NECAB2: variants seen among roughly 807,000 people sequenced by gnomAD.
NECAB2 encodes the protein N-terminal EF-hand calcium-binding protein 2.
Under a neutral mutation model 51.9 loss-of-function variants are expected in NECAB2, and 68 were observed. The observed-to-expected ratio is 1.31, with a 90% CI of 1.08 to 1.60. The LOEUF (loss-of-function observed/expected upper bound fraction) is 1.60, where lower values mean the gene tolerates loss of function less well. Among genes scored for constraint, NECAB2 ranks in the 40% most tolerant of loss-of-function variants. NECAB2 has a pLI of 0.00. For missense variants in NECAB2, 854 were observed against 490.3 expected (o/e 1.74, Z -7.00); for synonymous variants, 329 against 203.5 (o/e 1.62, Z -5.25).
chr16:83,977,477 C>A (rs1227828860), intron 2 of NECAB2, among the ~76,000 whole-genome samples: 19 of 152,104 alleles, frequency 1.2e-4, no homozygotes, highest in Admixed American at 1.2e-3. Flanking sequence ...CAAGACCTTC[C>A]TGGTAGGGCC....
At chr16:83,989,312 T>TG (rs2084592525) in intron 5 of NECAB2, among the ~76,000 whole-genome samples, 1 of 152,218 alleles carries the variant, frequency 6.6e-6, no homozygotes, top group Non-Finnish European at 1.5e-5. Context: ...CAGCAGACCC[T>TG]GGTCTGGCTG....
At chr16:83,986,044 T>C (rs1395743666) in intron 5 of NECAB2, among the ~76,000 whole-genome samples, 1 of 152,190 alleles carries the variant, frequency 6.6e-6, no homozygotes, top group African/African-American at 2.4e-5. Context: ...GATACGGAGT[T>C]TCTCTTTCGT....
intron 3 of NECAB2, among the ~76,000 whole-genome samples, chr16:83,979,769 G>C (rs2084460884): frequency 6.6e-6 from 1 of 152,010 alleles, no homozygotes; most frequent in Admixed American, 6.5e-5. Flanking sequence ...GGTGCAGGGA[G>C]GACTCGCGGT....
chr16:83,971,001 G>A (rs2084341645), intron 1 of NECAB2, among the ~76,000 whole-genome samples: 1 of 152,072 alleles, frequency 6.6e-6, no homozygotes, highest in East Asian at 1.9e-4. Flanking sequence ...GGCTGATACA[G>A]GAGAATTGCT....
chr16:83,974,268 G>A (rs1270413889), intron 2 of NECAB2, among the ~76,000 whole-genome samples: 1 of 152,128 alleles, frequency 6.6e-6, no homozygotes, highest in East Asian at 1.9e-4. Context: ...TACCGGCTCT[G>A]GCCTCAGGCA....
At chr16:83,967,948 G>C (rs567407348), upstream of NECAB2, among the ~76,000 whole-genome samples, 1 of 150,652 alleles carries the variant, frequency 6.6e-6, no homozygotes, top group East Asian at 2.0e-4. Flanking sequence ...GTGGATGGAT[G>C]TATAGATGGA....
chr16:83,978,831 G>C (rs1010141420), intron 3 of NECAB2, among the ~76,000 whole-genome samples: 3 of 152,016 alleles, frequency 2.0e-5, no homozygotes, highest in African/African-American at 7.3e-5. Flanking sequence ...TTATGAAAAT[G>C]GGAAGGTGGC....
chr16:84,001,933 T>G lies in NECAB2; in HGVS notation c.1132+17T>G. 1 of 1,612,114 alleles carries G rather than the reference T, an allele frequency of 6.2e-7. No homozygotes were observed. Among genetic ancestry groups the G allele is most frequent in the Non-Finnish European group, 8.5e-7 (1 of 1,178,740 alleles). On this transcript the variant is annotated intron_variant, in intron 12 of 12. Transcript: ENST00000305202. ...TGGTGCCAGGTAGGGGGCAAAGGCC[T>G]GGAACTGCAGTGGCCACCTGACTGG...
Position 83,990,570 on chromosome 16 carries a change from C to T in NECAB2, c.536C>T (p.Ser179Leu), listed in dbSNP as rs775631211. 9.9e-6 allele frequency: 16 copies of T among 1,614,016 alleles called. No individual in the cohort carries two copies. Among genetic ancestry groups the T allele is most frequent in the African/African-American group, 4.0e-5 (3 of 74,910 alleles). The change falls in exon 6 of 13, where the codon TCG becomes TTG. Residue 179 changes from serine (S) to leucine (L), a missense_variant. Transcript: ENST00000305202. ...AAGGAGACGGCCAATCAGATCCAGT[C>T]GCTGCTGAGCTCAGTGGAGAGTGCG... is the stretch of plus-strand genomic sequence containing the variant. ...LLKETANQIQ[S>L]LLSSVESAVE...
chr16:83,988,343 T>C (rs1027711411), intron 5 of NECAB2, among the ~76,000 whole-genome samples: 5 of 152,234 alleles, frequency 3.3e-5, no homozygotes, highest in African/African-American at 1.2e-4. Flanking sequence ...TTCCTAGTTT[T>C]CACTTCATCA....
intron 1 of NECAB2, among the ~76,000 whole-genome samples, chr16:83,969,510 T>C (rs1243663728): frequency 6.6e-6 from 1 of 151,492 alleles, no homozygotes; most frequent in Non-Finnish European, 1.5e-5. Flanking sequence ...TCTGTTCCCT[T>C]CCCCACACCC....
At chr16:84,002,204 T>A in intron 12 of NECAB2, 114 bp from the exon 13 acceptor site, 1 of 1,325,216 alleles carries the variant, frequency 7.5e-7, no homozygotes, top group Non-Finnish European at 1.1e-6. Flanking sequence ...AGGACCTGTG[T>A]GTCACACAAG....
At chr16:84,001,274 A>G in intron 11 of NECAB2, among the ~76,000 whole-genome samples, 1 of 99,792 alleles carries the variant, frequency 1.0e-5, no homozygotes, top group East Asian at 2.4e-4. Flanking sequence ...TGCTCAGCAC[A>G]CATCTGGGAG....
chr16:84,000,672 G>C, intron 10 of NECAB2, 52 bp from the exon 11 acceptor site: 1 of 1,544,988 alleles, frequency 6.5e-7, no homozygotes, highest in Non-Finnish European at 8.9e-7. Flanking sequence ...ACAGCACTGA[G>C]GTGGCCTTGG....
At chr16:83,994,197 G>A in intron 6 of NECAB2, 105 bp from the exon 7 acceptor site, 4 of 1,005,014 alleles carry the variant, frequency 4.0e-6, no homozygotes, top group Non-Finnish European at 6.2e-6. Context: ...CTGTGCATGT[G>A]TGAGTCCACT....
At chr16:83,992,034 A>C (rs1210744775) in intron 6 of NECAB2, among the ~76,000 whole-genome samples, 1 of 152,146 alleles carries the variant, frequency 6.6e-6, no homozygotes, top group Non-Finnish European at 1.5e-5. Context: ...GCCGTAAGTG[A>C]AGTAACTGTA....
At chr16:83,986,052 C>T (rs751031353) in intron 5 of NECAB2, among the ~76,000 whole-genome samples, 85 of 152,088 alleles carry the variant, frequency 5.6e-4, no homozygotes, top group Middle Eastern at 3.4e-3. Flanking sequence ...GTTTCTCTTT[C>T]GTTGCCCAGG....
intron 10 of NECAB2, among the ~76,000 whole-genome samples, chr16:83,998,748 A>AG (rs2151101281): frequency 6.6e-6 from 1 of 152,316 alleles, no homozygotes; most frequent in Admixed American, 6.5e-5. Flanking sequence ...CCACTGAGGA[A>AG]GGAGAGGAGA....
chr16:83,994,861 C>CG (rs1567675998), intron 8 of NECAB2, among the ~76,000 whole-genome samples, 173 bp downstream of exon 8: 2 of 152,166 alleles, frequency 1.3e-5, no homozygotes, highest in African/African-American at 4.8e-5. Flanking sequence ...GATCAAACCC[C>CG]GGGGGATGCT....
Sources: allele counts gnomAD v4.1 joint callset (sites outside exome capture counted in the v4.1 genomes callset), GRCh38; gene constraint gnomAD v4.1.1; transcripts MANE v1.5; gene names NCBI Gene and HGNC (gene_info 2026-07-23, HGNC 2026-07-21).